ARHGEF28: variants seen among roughly 807,000 people sequenced by gnomAD.
ARHGEF28 encodes the protein Rho guanine nucleotide exchange factor 28, also known as 190 kDa guanine nucleotide exchange factor.
Under a neutral mutation model 206.6 loss-of-function variants are expected in ARHGEF28, and 152 were observed. That is an observed-to-expected ratio of 0.74 (90% CI 0.64 to 0.84). ARHGEF28 has a LOEUF of 0.84. Ranked by LOEUF, ARHGEF28 falls within the 40% of genes least tolerant of loss-of-function variation. ARHGEF28 has a pLI of 0.00. For synonymous variants in ARHGEF28, 763 were observed against 776.4 expected (o/e 0.98, Z 0.29); for missense variants, 2,028 against 2,073.2 (o/e 0.98, Z 0.42).
intron 1 of ARHGEF28, among the ~76,000 whole-genome samples, chr5:73,649,955 C>T (rs575368725): frequency 1.3e-5 from 2 of 152,172 alleles, no homozygotes; most frequent in Non-Finnish European, 2.9e-5. Flanking sequence ...AACCTGTGCC[C>T]AAGTCCTTTT....
At chr5:73,698,756 A>G (rs1413991454) in intron 2 of ARHGEF28, among the ~76,000 whole-genome samples, 2 of 152,058 alleles carry the variant, frequency 1.3e-5, no homozygotes, top group African/African-American at 2.4e-5. Context: ...GGAGAGGCAA[A>G]TGGACTGCAG....
chr5:73,794,508 T>C, intron 8 of ARHGEF28, 54 bp downstream of exon 8: 1 of 1,419,764 alleles, frequency 7.0e-7, no homozygotes, highest in African/African-American at 1.5e-5. Flanking sequence ...AAAGTAGAAA[T>C]GAAGATTTAG....
chr5:73,698,877 T>C (rs566956066), intron 2 of ARHGEF28, among the ~76,000 whole-genome samples: 2 of 151,550 alleles, frequency 1.3e-5, no homozygotes, highest in East Asian at 2.0e-4. Context: ...CCTGCACTGG[T>C]TGGCACCGGC....
chr5:73,857,588 TAC>T (rs1759128083), intron 14 of ARHGEF28, 66 bp from the exon 15 acceptor site: 17 of 1,295,734 alleles, frequency 1.3e-5, no homozygotes, highest in South Asian at 2.8e-5. Flanking sequence ...CACACACACA[TAC>T]ACACACACGT....
intron 1 of ARHGEF28, among the ~76,000 whole-genome samples, chr5:73,637,301 C>A (rs1743783700): frequency 6.6e-6 from 1 of 152,204 alleles, no homozygotes; most frequent in East Asian, 1.9e-4. Context: ...AACCCCGCTC[C>A]CATCTTTCTC....
chr5:73,647,740 A>G (rs937959329), intron 1 of ARHGEF28, among the ~76,000 whole-genome samples: 2 of 152,228 alleles, frequency 1.3e-5, no homozygotes, highest in Non-Finnish European at 2.9e-5. Flanking sequence ...GGAGCCTGCC[A>G]TAAAATGAAG....
intron 20 of ARHGEF28, among the ~76,000 whole-genome samples, 183 bp from the exon 21 acceptor site, chr5:73,869,886 C>T (rs990721071): frequency 6.0e-5 from 9 of 150,872 alleles, no homozygotes; most frequent in African/African-American, 9.7e-5. Flanking sequence ...CCAGCCTGGG[C>T]GACAGAGAGA....
At chr5:73,750,608 C>T (rs1751972179) in intron 3 of ARHGEF28, among the ~76,000 whole-genome samples, 1 of 152,088 alleles carries the variant, frequency 6.6e-6, no homozygotes, top group Non-Finnish European at 1.5e-5. Context: ...ATATCCTGTT[C>T]ACATATTGTG....
intron 2 of ARHGEF28, among the ~76,000 whole-genome samples, chr5:73,695,509 A>C (rs1748151026): frequency 6.6e-6 from 1 of 152,144 alleles, no homozygotes; most frequent in Non-Finnish European, 1.5e-5. Context: ...TCAGTTAGCC[A>C]GGATTTGACT....
chr5:73,860,394 C>T (rs1336054209), intron 16 of ARHGEF28, among the ~76,000 whole-genome samples: 2 of 152,110 alleles, frequency 1.3e-5, no homozygotes, highest in Non-Finnish European at 2.9e-5. Flanking sequence ...CACAGGGGCT[C>T]GTAGGGAGAC....
chr5:73,788,807 G>A (rs890163626), intron 7 of ARHGEF28, among the ~76,000 whole-genome samples: 1 of 152,110 alleles, frequency 6.6e-6, no homozygotes. Flanking sequence ...CTTGTTTAAG[G>A]ATCAACTGTA....
chr5:73,809,429 T>G (rs1247693713), intron 9 of ARHGEF28, among the ~76,000 whole-genome samples: 1 of 152,118 alleles, frequency 6.6e-6, no homozygotes, highest in Non-Finnish European at 1.5e-5. Flanking sequence ...GGGAATGACT[T>G]GGTTAGGGCC....
At chr5:73,730,192 A>T (rs1005854780) in intron 2 of ARHGEF28, among the ~76,000 whole-genome samples, 2 of 152,208 alleles carry the variant, frequency 1.3e-5, no homozygotes, top group African/African-American at 4.8e-5. Flanking sequence ...AATTTAATGA[A>T]ATCTACTCAA....
chr5:73,804,615 T>C (rs1360025147), intron 9 of ARHGEF28, among the ~76,000 whole-genome samples: 1 of 152,210 alleles, frequency 6.6e-6, no homozygotes, highest in African/African-American at 2.4e-5. Flanking sequence ...TTCCGTTTTC[T>C]ATTCCAGGAT....
Position 73,795,375 on chromosome 5 carries a change from G to C in ARHGEF28, c.1008G>C (p.Gln336His). 6.2e-7 allele frequency: 1 copy of C among 1,613,680 alleles called. No homozygotes were observed. The highest frequency in any genetic ancestry group is 8.5e-7 in the Non-Finnish European group (1 of 1,179,674). The change falls in exon 9 of 36, where the codon CAG becomes CAC. Residue 336 changes from glutamine (Q) to histidine (H), a missense_variant. Physicochemically the swap from Gln to His is conservative, Grantham distance 24 (BLOSUM62 0). Transcript: ENST00000513042. The stretch of plus-strand genomic sequence containing the variant: ...TTCAACACAATGAACATGAAGACCA[G>C]CACAGCCTAGATTTGGGTATGAAAT... Reference protein sequence around the residue: ...LVVQHNEHEDQHSLDLDRSFD... With the variant: ...LVVQHNEHEDHHSLDLDRSFD...
chr5:73,654,393 T>G (rs978781538), intron 1 of ARHGEF28, among the ~76,000 whole-genome samples: 1 of 152,170 alleles, frequency 6.6e-6, no homozygotes, highest in Non-Finnish European at 1.5e-5. Context: ...GGAGAGGCCT[T>G]TCCTCTCTAG....
At chr5:73,670,088 T>C (rs939169008) in intron 1 of ARHGEF28, among the ~76,000 whole-genome samples, 1 of 152,206 alleles carries the variant, frequency 6.6e-6, no homozygotes, top group African/African-American at 2.4e-5. Context: ...TACTGAACAG[T>C]TCCAAAACCA....
At chr5:73,789,533 T>C (rs935761026) in intron 7 of ARHGEF28, among the ~76,000 whole-genome samples, 28 of 152,270 alleles carry the variant, frequency 1.8e-4, no homozygotes, top group African/African-American at 6.7e-4. Context: ...CCCATTGAAG[T>C]GTATACTCTA....
chr5:73,938,356 C>T (rs1476761295), intron 35 of ARHGEF28, among the ~76,000 whole-genome samples: 1 of 152,054 alleles, frequency 6.6e-6, no homozygotes, highest in African/African-American at 2.4e-5. Context: ...TTCCATGTAC[C>T]TCAAAATATC....
Sources: gnomAD v4.1 joint callset for allele counts (sites outside exome capture counted in the v4.1 genomes callset) on GRCh38, gnomAD v4.1.1 for gene constraint, MANE v1.5 for transcripts, NCBI Gene and HGNC (gene_info 2026-07-23, HGNC 2026-07-21) for gene names.